Variants in LEKR1 observed in about 807,000 individuals in gnomAD.
LEKR1 encodes protein LEKR1.
LEKR1 carries 59 observed loss-of-function variants against 72.4 expected under a neutral mutation model. The ratio of observed to expected loss-of-function variants is 0.82; its 90% CI spans 0.66 to 1.01. The LOEUF (loss-of-function observed/expected upper bound fraction) is 1.01. LEKR1 is among the 50% of genes least tolerant of loss of function. The pLI is 0.00. For synonymous variants in LEKR1, 257 were observed against 263.2 expected (o/e 0.98, Z 0.23); for missense variants, 728 against 759.2 (o/e 0.96, Z 0.48).
At chr3:157,006,824 TA>T (rs1237771583) in intron 9 of LEKR1, among the ~76,000 whole-genome samples, 1 of 152,166 alleles carries the variant, frequency 6.6e-6, no homozygotes, top group Admixed American at 6.5e-5. Context: ...AGAATATATC[TA>T]CATATCCCCA....
At chr3:157,003,533 C>G (rs1328850458) in intron 9 of LEKR1, among the ~76,000 whole-genome samples, 7 of 152,134 alleles carry the variant, frequency 4.6e-5, no homozygotes, top group Non-Finnish European at 8.8e-5. Context: ...TTACATCTTC[C>G]ATCTGTTACA....
chr3:156,886,834 G>A (rs756818056), intron 3 of LEKR1, among the ~76,000 whole-genome samples: 1 of 152,248 alleles, frequency 6.6e-6, no homozygotes, highest in East Asian at 1.9e-4. Context: ...AAGGATCTGT[G>A]CAATCAAACA....
chr3:156,841,911 G>A (rs932328569), intron 2 of LEKR1, among the ~76,000 whole-genome samples: 1 of 152,128 alleles, frequency 6.6e-6, no homozygotes, highest in African/African-American at 2.4e-5. Context: ...CACTCACACA[G>A]CCCGAGGTGA....
intron 2 of LEKR1, among the ~76,000 whole-genome samples, chr3:156,846,909 C>T (rs1714674471): frequency 6.6e-6 from 1 of 152,110 alleles, no homozygotes; most frequent in Non-Finnish European, 1.5e-5. Flanking sequence ...GCCTCCTGGG[C>T]TCAAGCAACC....
At chr3:157,010,625 A>T (rs1484365173) in intron 9 of LEKR1, among the ~76,000 whole-genome samples, 1 of 152,112 alleles carries the variant, frequency 6.6e-6, no homozygotes, top group Non-Finnish European at 1.5e-5. Context: ...TCACATACAT[A>T]GAACATGAGA....
At chr3:156,986,362 G>A (rs1215366001) in intron 7 of LEKR1, among the ~76,000 whole-genome samples, 1 of 152,132 alleles carries the variant, frequency 6.6e-6, no homozygotes, top group Non-Finnish European at 1.5e-5. Flanking sequence ...AGAATGGACT[G>A]GAGTAGGAGT....
intron 3 of LEKR1, among the ~76,000 whole-genome samples, chr3:156,884,809 A>G (rs1372543643): frequency 6.6e-6 from 1 of 152,126 alleles, no homozygotes; most frequent in Non-Finnish European, 1.5e-5. Context: ...TGCTTCTTAT[A>G]TTTGGATGTC....
At chr3:156,933,058 A>G (rs1261248289) in intron 5 of LEKR1, among the ~76,000 whole-genome samples, 1 of 151,996 alleles carries the variant, frequency 6.6e-6, no homozygotes, top group Non-Finnish European at 1.5e-5. Flanking sequence ...ACAAACAAAA[A>G]TGGAGCAGAC....
intron 6 of LEKR1, among the ~76,000 whole-genome samples, chr3:156,955,958 T>A (rs1359991018): frequency 6.8e-6 from 1 of 147,348 alleles, no homozygotes; most frequent in African/African-American, 2.5e-5. Context: ...GTAGAATAGT[T>A]AAAAAAAAAA....
chr3:156,826,808 G>A lies in LEKR1; in HGVS notation c.-45+432G>A, dbSNP rs201529889. On this transcript the variant is annotated intron_variant, in intron 1 of 12. Coordinates refer to ENST00000356539, the MANE Select transcript of LEKR1 (RefSeq NM_001004316.3). The stretch of plus-strand genomic sequence containing the variant: ...AGGATGTGAACTCCCGCCTTCACCT[G>A]CCCCTGACCTGCTCGTTGTGGGTGA... 858 of 155,580 alleles carry A rather than the reference G, an allele frequency of 5.5e-3. 5 individuals carry two copies. The highest frequency in any genetic ancestry group is 0.011 in the South Asian group (56 of 4,920). 9.6% of individuals were successfully genotyped at this position (155,580 alleles called of 1,614,324 possible).
chr3:156,984,077 A>G (rs1025299851), intron 7 of LEKR1, among the ~76,000 whole-genome samples: 3 of 152,234 alleles, frequency 2.0e-5, no homozygotes, highest in Admixed American at 6.5e-5. Context: ...ACAGACGGTT[A>G]TGGCAGGCTA....
intron 3 of LEKR1, among the ~76,000 whole-genome samples, chr3:156,913,842 C>T (rs1446412669): frequency 6.6e-6 from 1 of 152,192 alleles, no homozygotes; most frequent in Non-Finnish European, 1.5e-5. Flanking sequence ...TTTCTGCACA[C>T]ACACAGAAGC....
intron 3 of LEKR1, among the ~76,000 whole-genome samples, chr3:156,900,106 T>TG (rs887767978): frequency 5.3e-5 from 8 of 151,828 alleles, no homozygotes; most frequent in Non-Finnish European, 1.2e-4. Flanking sequence ...AACAGACTGG[T>TG]GGGGGGAACT....
At chr3:157,044,604 A>T (rs1405396225) in intron 12 of LEKR1, among the ~76,000 whole-genome samples, 2 of 152,236 alleles carry the variant, frequency 1.3e-5, no homozygotes, top group Non-Finnish European at 2.9e-5. Flanking sequence ...TATTATGGAC[A>T]TAAAAGGCAG....
chr3:157,024,712 A>G, intron 10 of LEKR1, 48 bp from the exon 11 acceptor site: 1 of 1,402,444 alleles, frequency 7.1e-7, no homozygotes, highest in South Asian at 1.3e-5. Context: ...TAATGTACTT[A>G]TTTTAAGGTA....
At chr3:156,833,726 T>C (rs115478655) in intron 2 of LEKR1, among the ~76,000 whole-genome samples, 2 of 152,120 alleles carry the variant, frequency 1.3e-5, no homozygotes, top group Non-Finnish European at 2.9e-5. Flanking sequence ...GAACTTGAAA[T>C]TTTGATTTTG....
At chr3:156,977,091 C>G (rs941915895) in intron 6 of LEKR1, among the ~76,000 whole-genome samples, 1 of 152,180 alleles carries the variant, frequency 6.6e-6, no homozygotes, top group Non-Finnish European at 1.5e-5. Context: ...CAGAGCTGAG[C>G]ATGCCTTCTT....
chr3:157,045,020 G>GT (rs1735650387), intron 12 of LEKR1, among the ~76,000 whole-genome samples: 1 of 152,178 alleles, frequency 6.6e-6, no homozygotes, highest in African/African-American at 2.4e-5. Flanking sequence ...CTGAAGTTAG[G>GT]TATAAGAAGT....
intron 6 of LEKR1, among the ~76,000 whole-genome samples, chr3:156,962,703 C>T (rs1346891729): frequency 5.9e-5 from 9 of 152,102 alleles, no homozygotes; most frequent in Non-Finnish European, 1.2e-4. Context: ...ATGTTTGAAT[C>T]ATAGAGGAAT....
Sources: allele counts gnomAD v4.1 joint callset (sites outside exome capture counted in the v4.1 genomes callset), GRCh38; gene constraint gnomAD v4.1.1; transcripts MANE v1.5; gene names NCBI Gene and HGNC (gene_info 2026-07-23, HGNC 2026-07-21).